CDH13: variants seen among roughly 807,000 people sequenced by gnomAD.
CDH13 encodes the protein cadherin-13.
Under a neutral mutation model 63.8 loss-of-function variants are expected in CDH13, and 24 were observed. The ratio of observed to expected loss-of-function variants is 0.38; its 90% CI spans 0.27 to 0.53. The LOEUF is 0.53. Among genes scored for constraint, CDH13 ranks in the 20% least tolerant of loss-of-function variants. CDH13 has a pLI of 0.85. For synonymous variants in CDH13, 503 were observed against 355.3 expected, an observed-to-expected ratio of 1.42 and a Z score of -4.67; for missense variants, 1,049 against 903.1, an observed-to-expected ratio of 1.16 and a Z score of -2.07.
At chr16:82,648,655 T>C (rs762427088) in intron 1 of CDH13, among the ~76,000 whole-genome samples, 3 of 152,208 alleles carry the variant, frequency 2.0e-5, no homozygotes, top group African/African-American at 4.8e-5. Flanking sequence ...GCAATTTTGT[T>C]CATGCGTTGG....
At chr16:82,690,425 G>A (rs976130920) in intron 1 of CDH13, among the ~76,000 whole-genome samples, 8 of 152,232 alleles carry the variant, frequency 5.3e-5, no homozygotes, top group African/African-American at 1.9e-4. Flanking sequence ...TAAGAGTCAT[G>A]TTCTCTGTGG....
At chr16:83,531,920 T>A (rs2151633795) in intron 7 of CDH13, among the ~76,000 whole-genome samples, 1 of 152,308 alleles carries the variant, frequency 6.6e-6, no homozygotes, top group South Asian at 2.1e-4. Context: ...ATGGTTTAGC[T>A]GTGTCCCCAC....
chr16:82,784,282 C>T (rs962760301), intron 1 of CDH13, among the ~76,000 whole-genome samples: 89 of 152,284 alleles, frequency 5.8e-4, no homozygotes, highest in African/African-American at 2.1e-3. Context: ...TCCCTGTCGG[C>T]CAGAATGCAG....
chr16:83,580,028 C>T (rs966268833), intron 7 of CDH13, among the ~76,000 whole-genome samples: 2 of 151,992 alleles, frequency 1.3e-5, no homozygotes, highest in South Asian at 2.1e-4. Flanking sequence ...TGGCTAACTA[C>T]GGCCAGGAAT....
chr16:83,777,251 C>G lies in CDH13; in HGVS notation c.1682-2717C>G, dbSNP rs142102311. ...GCCTTTCCGGAAAGCCTCTGGTGGC[C>G]TCGTGCACTCTGTAGAATTGGTACA... On this transcript the variant is annotated intron_variant, in intron 11 of 13. Coordinates refer to ENST00000567109, the MANE Select transcript of CDH13 (RefSeq NM_001257.5). Among the ~76,000 whole-genome samples the G allele has an allele frequency of 8.5e-3, 1,293 of 152,272 alleles. 10 individuals are homozygous for G. The highest frequency in any genetic ancestry group is 0.015 in the Non-Finnish European group (987 of 68,024).
chr16:82,682,715 C>G (rs1476575508), intron 1 of CDH13, among the ~76,000 whole-genome samples: 2 of 152,152 alleles, frequency 1.3e-5, no homozygotes, highest in Non-Finnish European at 2.9e-5. Flanking sequence ...AGTAATTGAG[C>G]TTTGCTAATG....
intron 2 of CDH13, among the ~76,000 whole-genome samples, chr16:82,933,104 G>C (rs1487473422): frequency 2.0e-5 from 3 of 152,122 alleles, no homozygotes; most frequent in Non-Finnish European, 4.4e-5. Flanking sequence ...GGTTGGGGGA[G>C]TGATATTGGC....
intron 3 of CDH13, among the ~76,000 whole-genome samples, chr16:83,084,847 C>T (rs2033480507): frequency 6.6e-6 from 1 of 152,188 alleles, no homozygotes; most frequent in Non-Finnish European, 1.5e-5. Context: ...GAGATCGCAC[C>T]ATTGCACTCC....
intron 10 of CDH13, among the ~76,000 whole-genome samples, chr16:83,705,265 C>T (rs1219109675): frequency 6.6e-6 from 1 of 152,138 alleles, no homozygotes; most frequent in East Asian, 1.9e-4. Flanking sequence ...AACCTGACTC[C>T]AGAAATCCAC....
chr16:83,405,282 A>G (rs1016613259), intron 6 of CDH13, among the ~76,000 whole-genome samples: 1 of 152,220 alleles, frequency 6.6e-6, no homozygotes, highest in African/African-American at 2.4e-5. Flanking sequence ...GAAGATGTGC[A>G]AGTACTAATT....
At chr16:83,334,185 C>G (rs1024974401) in intron 5 of CDH13, among the ~76,000 whole-genome samples, 1 of 152,056 alleles carries the variant, frequency 6.6e-6, no homozygotes, top group Non-Finnish European at 1.5e-5. Flanking sequence ...TCCCTCTTAA[C>G]GACTCATGAT....
At chr16:83,332,693 C>G (rs555790370) in intron 5 of CDH13, among the ~76,000 whole-genome samples, 1 of 152,210 alleles carries the variant, frequency 6.6e-6, no homozygotes, top group East Asian at 1.9e-4. Flanking sequence ...TCTACTTGAA[C>G]CAATTAAAAT....
intron 10 of CDH13, among the ~76,000 whole-genome samples, chr16:83,706,877 C>T (rs964238003): frequency 1.1e-4 from 16 of 152,234 alleles, no homozygotes; most frequent in African/African-American, 3.9e-4. Context: ...TCTCTGAAAA[C>T]ATTGTACGCT....
At chr16:83,102,911 CTTTTTTT>C (rs140557578) in intron 3 of CDH13, among the ~76,000 whole-genome samples, 1 of 96,600 alleles carries the variant, frequency 1.0e-5, no homozygotes, top group Admixed American at 1.0e-4. Context: ...ATTAAACTTT[CTTTTTTT>C]TTTTTCTTTT....
chr16:83,282,166 T>C lies in CDH13; in HGVS notation c.637-62696T>C, dbSNP rs982953436. On this transcript the variant is annotated intron_variant, in intron 5 of 13. Coordinates refer to ENST00000567109, the MANE Select transcript of CDH13 (RefSeq NM_001257.5). ...TTTATCAATTACATTTGCCATCTTT[T>C]GTCTTCTGCGGACATGGCTCATGGT... Among the ~76,000 whole-genome samples, 25 of 152,190 alleles carry C rather than the reference T, an allele frequency of 1.6e-4. 1 individual carries two copies. The highest frequency in any genetic ancestry group is 6.5e-5 in the Admixed American group (1 of 15,272).
At chr16:82,861,090 A>G (rs917433254) in intron 2 of CDH13, among the ~76,000 whole-genome samples, 5 of 152,224 alleles carry the variant, frequency 3.3e-5, no homozygotes, top group African/African-American at 1.2e-4. Context: ...AAAAGAACCA[A>G]ACAGAACCAG....
intron 1 of CDH13, among the ~76,000 whole-genome samples, chr16:82,800,792 T>C (rs1249347706): frequency 6.6e-6 from 1 of 152,206 alleles, no homozygotes; most frequent in Non-Finnish European, 1.5e-5. Context: ...TTTGTTCTGG[T>C]ATTTGGGAGT....
rs1391271547 is a variant in CDH13, at chr16:83,057,533, G to T, written c.366+25315G>T. ...AAGTTTTTTTCAAAAGTAGTAATTGGATGACTCCCGCTTTTATTGAGTTAG... is the reference window on the plus strand; with the variant it reads ...AAGTTTTTTTCAAAAGTAGTAATTGTATGACTCCCGCTTTTATTGAGTTAG... On this transcript the variant is annotated intron_variant, in intron 3 of 13. Coordinates refer to ENST00000567109, the MANE Select transcript of CDH13 (RefSeq NM_001257.5). Among the ~76,000 whole-genome samples, 5 of 151,616 alleles carry T rather than the reference G, an allele frequency of 3.3e-5. No individual in the cohort carries two copies. In the East Asian group the frequency reaches 9.7e-4, roughly 29 times the overall value.
intron 6 of CDH13, among the ~76,000 whole-genome samples, chr16:83,442,137 C>T (rs1049895598): frequency 2.6e-5 from 4 of 152,158 alleles, no homozygotes; most frequent in African/African-American, 9.7e-5. Flanking sequence ...CCATGCTCCT[C>T]CAATGCCACC....
Sources: allele counts gnomAD v4.1 joint callset (sites outside exome capture counted in the v4.1 genomes callset), GRCh38; gene constraint gnomAD v4.1.1; transcripts MANE v1.5; gene names NCBI Gene and HGNC (gene_info 2026-07-23, HGNC 2026-07-21).